The following ZMAT4 variants were observed in gnomAD, a reference collection of about 807,000 sequenced individuals.
The protein encoded by ZMAT4 is zinc finger matrin-type 4, also known as zinc finger matrin-type protein 4.
Under a neutral mutation model 28.7 loss-of-function variants are expected in ZMAT4, and 17 were observed. That is an observed-to-expected ratio of 0.59 (90% CI 0.41 to 0.89). The LOEUF is 0.89. Among genes scored for constraint, ZMAT4 ranks in the 40% least tolerant of loss-of-function variants. ZMAT4 has a pLI of 0.00. For synonymous variants in ZMAT4, 117 were observed against 109.2 expected (o/e 1.07, Z -0.44); for missense variants, 240 against 283.8 (o/e 0.85, Z 1.11).
At position 40,842,413 on chromosome 8, in the gene ZMAT4, C is replaced by A. The variant is rs560773099; in HGVS notation, c.-4-16733G>T. 2.2e-3 allele frequency among the ~76,000 whole-genome samples: 328 copies of A among 152,370 alleles called. 1 individual carries two copies. The highest frequency in any genetic ancestry group is 3.7e-3 in the Non-Finnish European group (250 of 68,044). The stretch of plus-strand genomic sequence containing the variant: ...GGGTCTTGTAATCCTTATTAAAGCA[C>A]TCCAGTTATCTTCCAGTTATCTTTC... On this transcript the variant is annotated intron_variant, in intron 1 of 6. Coordinates refer to ENST00000297737, the MANE Select transcript of ZMAT4 (RefSeq NM_024645.3).
intron 6 of ZMAT4, among the ~76,000 whole-genome samples, chr8:40,545,145 C>G (rs1407125470): frequency 6.6e-6 from 1 of 151,960 alleles, no homozygotes; most frequent in Non-Finnish European, 1.5e-5. Context: ...CCACAAGGAA[C>G]CAAATCTTTG....
chr8:40,693,437 C>A (rs960093249), intron 4 of ZMAT4, among the ~76,000 whole-genome samples: 8 of 152,132 alleles, frequency 5.3e-5, no homozygotes, highest in Non-Finnish European at 1.2e-4. Flanking sequence ...CAATCTCTAT[C>A]CCAGGCACCT....
At chr8:40,646,267 T>A (rs1303764295) in intron 5 of ZMAT4, among the ~76,000 whole-genome samples, 6 of 152,004 alleles carry the variant, frequency 3.9e-5, no homozygotes. Flanking sequence ...GTTCCTCTCT[T>A]CGTGCTTTTT....
At chr8:40,836,062 C>G (rs148607729) in intron 1 of ZMAT4, among the ~76,000 whole-genome samples, 1 of 152,208 alleles carries the variant, frequency 6.6e-6, no homozygotes, top group Admixed American at 6.5e-5. Flanking sequence ...CAGCCTCCCC[C>G]GTCCATGAAA....
At chr8:40,705,417 C>G (rs893269411) in intron 3 of ZMAT4, among the ~76,000 whole-genome samples, 1 of 152,122 alleles carries the variant, frequency 6.6e-6, no homozygotes, top group African/African-American at 2.4e-5. Flanking sequence ...AATTAGATGA[C>G]TTAGATATTT....
At chr8:40,874,207 G>A (rs761377715) in intron 1 of ZMAT4, among the ~76,000 whole-genome samples, 2 of 152,176 alleles carry the variant, frequency 1.3e-5, no homozygotes, top group Admixed American at 6.5e-5. Flanking sequence ...AATGCCTGCT[G>A]TGCCCAGTGC....
At chr8:40,758,754 T>C (rs913921201) in intron 3 of ZMAT4, among the ~76,000 whole-genome samples, 1 of 152,204 alleles carries the variant, frequency 6.6e-6, no homozygotes, top group African/African-American at 2.4e-5. Flanking sequence ...AGTTGGATGG[T>C]GACAGTGCTC....
intron 3 of ZMAT4, among the ~76,000 whole-genome samples, chr8:40,750,611 G>A (rs943586867): frequency 3.9e-5 from 6 of 152,142 alleles, no homozygotes; most frequent in African/African-American, 1.4e-4. Flanking sequence ...ATGTTTTGTG[G>A]GACTCTAGCA....
At chr8:40,634,540 T>C (rs1338178984) in intron 5 of ZMAT4, among the ~76,000 whole-genome samples, 1 of 152,182 alleles carries the variant, frequency 6.6e-6, no homozygotes, top group Non-Finnish European at 1.5e-5. Context: ...ACCCAGAAAT[T>C]TAAATGTAAG....
intron 5 of ZMAT4, among the ~76,000 whole-genome samples, chr8:40,637,323 G>A (rs906486331): frequency 6.6e-6 from 1 of 152,146 alleles, no homozygotes; most frequent in Non-Finnish European, 1.5e-5. Flanking sequence ...AGTTAACATG[G>A]GAATTGCTGA....
intron 2 of ZMAT4, among the ~76,000 whole-genome samples, chr8:40,790,160 G>A (rs1182108539): frequency 2.6e-5 from 4 of 151,988 alleles, no homozygotes; most frequent in East Asian, 1.9e-4. Context: ...GAATAAATAC[G>A]CTTTGTTTGT....
rs969086681 is a variant in ZMAT4, at chr8:40,777,626, C to G, written c.103-9896G>C. Among the ~76,000 whole-genome samples the G allele has an allele frequency of 5.3e-5, 8 of 152,326 alleles. No homozygotes were observed. The South Asian group carries it at 1.5e-3, about 28-fold the overall frequency. ...CTGGGCAGAGGGGCGGAGGGCATGG[C>G]TGGATCACCTGGGATCACTGAGAGG... On this transcript the variant is annotated intron_variant, in intron 2 of 6. Coordinates refer to ENST00000297737, the MANE Select transcript of ZMAT4 (RefSeq NM_024645.3).
intron 2 of ZMAT4, among the ~76,000 whole-genome samples, chr8:40,769,039 A>C (rs1305513218): frequency 1.3e-5 from 2 of 152,184 alleles, no homozygotes; most frequent in Admixed American, 6.5e-5. Flanking sequence ...TCACTTTCTT[A>C]ATTCCTATAT....
At chr8:40,759,230 C>T (rs960846873) in intron 3 of ZMAT4, among the ~76,000 whole-genome samples, 11 of 139,684 alleles carry the variant, frequency 7.9e-5, no homozygotes, top group African/African-American at 2.4e-4. Context: ...TGCAGTGAGC[C>T]GAGGCTGGGC....
At chr8:40,784,627 A>G (rs570268194) in intron 2 of ZMAT4, among the ~76,000 whole-genome samples, 1 of 152,326 alleles carries the variant, frequency 6.6e-6, no homozygotes, top group Non-Finnish European at 1.5e-5. Context: ...GCAAATAATA[A>G]CAAACATTTA....
At chr8:40,602,517 C>A (rs1448810831) in intron 5 of ZMAT4, among the ~76,000 whole-genome samples, 1 of 152,180 alleles carries the variant, frequency 6.6e-6, no homozygotes, top group Non-Finnish European at 1.5e-5. Context: ...CTTTTCACCA[C>A]ATCCATGCCA....
rs1443191377 is a variant in ZMAT4 at position 40,674,819 on chromosome 8, A to C, written c.462T>G (p.Phe154Leu). 4 of 1,613,950 alleles carry C rather than the reference A, an allele frequency of 2.5e-6. No individual in the cohort carries two copies. In the Admixed American group the frequency reaches 6.7e-5, roughly 27 times the overall value. Reference protein sequence around the residue: ...DRYCGLCAAWFNNPLMAQQHY... With the variant: ...DRYCGLCAAWLNNPLMAQQHY... Reference sequence around the variant, plus strand: ...GTTGCTGGGCCATCAGAGGGTTATTAAACCAGGCTGCACAGAGCCCACAGT... The same window carrying C: ...GTTGCTGGGCCATCAGAGGGTTATTCAACCAGGCTGCACAGAGCCCACAGT... The change falls in exon 5 of 7, where the codon TTT becomes TTG. Residue 154 changes from phenylalanine to leucine, a missense_variant. Physicochemically the swap from Phe to Leu is conservative, Grantham distance 22 (BLOSUM62 0). Transcript: ENST00000297737.
chr8:40,587,219 G>T (rs778781836), intron 5 of ZMAT4, among the ~76,000 whole-genome samples: 5 of 151,724 alleles, frequency 3.3e-5, no homozygotes, highest in Non-Finnish European at 7.4e-5. Flanking sequence ...ATATTCTCAA[G>T]GAACAAAAAT....
At chr8:40,843,966 A>G (rs1184616518) in intron 1 of ZMAT4, among the ~76,000 whole-genome samples, 1 of 152,150 alleles carries the variant, frequency 6.6e-6, no homozygotes, top group East Asian at 1.9e-4. Context: ...CTATGTACAC[A>G]GTGCACCTAG....
Sources: gnomAD v4.1 joint callset for allele counts (sites outside exome capture counted in the v4.1 genomes callset) on GRCh38, gnomAD v4.1.1 for gene constraint, MANE v1.5 for transcripts, NCBI Gene and HGNC (gene_info 2026-07-23, HGNC 2026-07-21) for gene names.